Variants in CCDC85A observed in about 807,000 individuals in gnomAD.
The protein encoded by CCDC85A is coiled-coil domain containing 85A, also known as coiled-coil domain-containing protein 85A.
Under a neutral mutation model 50.2 loss-of-function variants are expected in CCDC85A, and 38 were observed. That is an observed-to-expected ratio of 0.76 (90% CI 0.58 to 0.99). The LOEUF (loss-of-function observed/expected upper bound fraction) is 0.99, where lower values mean the gene tolerates loss of function less well. CCDC85A is among the 50% of genes least tolerant of loss of function. The probability of loss-of-function intolerance (pLI) is 0.00; values close to 1 mark genes in which losing one functional copy is unlikely to be tolerated. For missense variants in CCDC85A, 820 were observed against 742.0 expected (o/e 1.11, Z -1.22); for synonymous variants, 366 against 301.4 (o/e 1.21, Z -2.22).
At chr2:56,201,434 T>G (rs1363788233) in intron 2 of CCDC85A, among the ~76,000 whole-genome samples, 1 of 151,118 alleles carries the variant, frequency 6.6e-6, no homozygotes, top group Non-Finnish European at 1.5e-5. Context: ...ATATAGTCGT[T>G]GTTGCATTAA....
At chr2:56,325,627 G>A (rs1673427635) in intron 2 of CCDC85A, among the ~76,000 whole-genome samples, 1 of 152,116 alleles carries the variant, frequency 6.6e-6, no homozygotes, top group Non-Finnish European at 1.5e-5. Context: ...ATCCAGGAGA[G>A]ATTCAGGAAA....
At chr2:56,229,620 C>G (rs1385885086) in intron 2 of CCDC85A, among the ~76,000 whole-genome samples, 5 of 151,998 alleles carry the variant, frequency 3.3e-5, no homozygotes, top group Non-Finnish European at 7.4e-5. Flanking sequence ...TATCGTGGAC[C>G]TCTGGTTTCT....
chr2:56,303,574 A>C (rs76938572), intron 2 of CCDC85A, among the ~76,000 whole-genome samples: 2,884 of 152,198 alleles, frequency 0.019, 107 homozygotes, highest in African/African-American at 0.066. Flanking sequence ...GATTCTAAGG[A>C]TAGTAATTGC....
chr2:56,211,071 C>G (rs754178773), intron 2 of CCDC85A, among the ~76,000 whole-genome samples: 2 of 152,100 alleles, frequency 1.3e-5, no homozygotes, highest in Non-Finnish European at 1.5e-5. Flanking sequence ...TGACCATTGT[C>G]AAGAGCATTT....
chr2:56,312,019 G>T (rs537044184), intron 2 of CCDC85A, among the ~76,000 whole-genome samples: 2 of 152,090 alleles, frequency 1.3e-5, no homozygotes, highest in Non-Finnish European at 2.9e-5. Flanking sequence ...AGATAAGGAC[G>T]GTCGGGGCAC....
intron 2 of CCDC85A, among the ~76,000 whole-genome samples, chr2:56,228,520 T>G (rs1434865899): frequency 1.3e-5 from 2 of 148,436 alleles, no homozygotes; most frequent in African/African-American, 2.5e-5. Flanking sequence ...CTTTCTCCCC[T>G]TTATTTTTTA....
rs1454435176 is a variant in CCDC85A at position 56,184,833 on chromosome 2, A to G, written c.209A>G (p.His70Arg). The G allele has an allele frequency of 1.3e-6, 2 of 1,542,478 alleles. No individual in the cohort carries two copies. The highest frequency in any genetic ancestry group is 1.7e-6 in the Non-Finnish European group (2 of 1,145,144). ...GAGAAGGTGAGCGCGATGCTGGACC[A>G]CAGCAACCTCATCCGCGAGGTGAAC... ...EAEKVSAMLD[H>R]SNLIREVNRR... Residue 70 changes from histidine to arginine, a missense_variant, in exon 1 of 6, where the codon CAC becomes CGC. Physicochemically the swap from His to Arg is conservative, Grantham distance 29. Coordinates refer to ENST00000407595, the MANE Select transcript of CCDC85A (RefSeq NM_001080433.2).
At chr2:56,329,496 G>A (rs112578324) in intron 2 of CCDC85A, among the ~76,000 whole-genome samples, 57 of 152,226 alleles carry the variant, frequency 3.7e-4, no homozygotes, top group African/African-American at 1.3e-3. Flanking sequence ...AAATTCCAAC[G>A]TACAAAAAAG....
At chr2:56,225,317 T>C (rs923533947) in intron 2 of CCDC85A, among the ~76,000 whole-genome samples, 1 of 152,120 alleles carries the variant, frequency 6.6e-6, no homozygotes, top group African/African-American at 2.4e-5. Context: ...TCCCAGCTAC[T>C]TGGGAGGCTG....
intron 2 of CCDC85A, among the ~76,000 whole-genome samples, chr2:56,251,320 A>C (rs1040373275): frequency 6.6e-6 from 1 of 152,136 alleles, no homozygotes; most frequent in South Asian, 2.1e-4. Context: ...GAACACATGG[A>C]TGTATTATCT....
chr2:56,214,906 A>G (rs1414238941), intron 2 of CCDC85A, among the ~76,000 whole-genome samples: 2 of 151,930 alleles, frequency 1.3e-5, no homozygotes, highest in Non-Finnish European at 2.9e-5. Flanking sequence ...ATATCTATAA[A>G]ACAGTTTGCT....
intron 2 of CCDC85A, among the ~76,000 whole-genome samples, chr2:56,313,954 G>T (rs1409918188): frequency 2.0e-5 from 3 of 151,668 alleles, no homozygotes; most frequent in African/African-American, 7.3e-5. Flanking sequence ...TTGTAAGCAG[G>T]TAATAAGCAT....
At chr2:56,193,857 C>G (rs1676423437) in intron 2 of CCDC85A, among the ~76,000 whole-genome samples, 1 of 152,106 alleles carries the variant, frequency 6.6e-6, no homozygotes, top group African/African-American at 2.4e-5. Context: ...ATTTTGAATC[C>G]AGTTAATAGG....
At chr2:56,279,195 C>G (rs960124340) in intron 2 of CCDC85A, among the ~76,000 whole-genome samples, 1 of 152,180 alleles carries the variant, frequency 6.6e-6, no homozygotes, top group Admixed American at 6.5e-5. Flanking sequence ...GTATTATCTT[C>G]TCAAGGTCTT....
chr2:56,225,310 C>A (rs1668497190), intron 2 of CCDC85A, among the ~76,000 whole-genome samples: 1 of 152,094 alleles, frequency 6.6e-6, no homozygotes, highest in African/African-American at 2.4e-5. Flanking sequence ...CCTGTAATCC[C>A]AGCTACTTGG....
intron 2 of CCDC85A, among the ~76,000 whole-genome samples, chr2:56,286,058 C>G (rs908395458): frequency 6.6e-6 from 1 of 151,574 alleles, no homozygotes; most frequent in African/African-American, 2.4e-5. Flanking sequence ...TGTTTGGGTC[C>G]ATTATTTCTG....
chr2:56,192,646 A>C lies in CCDC85A; in HGVS notation c.446A>C (p.Lys149Thr). The C allele has an allele frequency of 1.2e-6, 2 of 1,613,872 alleles. No individual in the cohort carries two copies. The highest frequency in any genetic ancestry group is 1.7e-6 in the Non-Finnish European group (2 of 1,179,846). Residue 149 changes from lysine to threonine, a missense_variant, in exon 2 of 6, where the codon AAA becomes ACA. Transcript: ENST00000407595. The surrounding 1 kb of genome is among the most constrained non-coding windows in gnomAD (Gnocchi z 4.7). ...KEVALYLQKL[K>T]DLEVKQEEVV... ...GTGGCCTTATACCTGCAGAAGCTGA[A>C]AGACCTGGAGGTGAAGCAGGAGGAA...
intron 2 of CCDC85A, among the ~76,000 whole-genome samples, chr2:56,322,460 A>C (rs1182778257): frequency 6.6e-6 from 1 of 152,212 alleles, no homozygotes; most frequent in African/African-American, 2.4e-5. Context: ...AAAATCAAAC[A>C]ACCCCATTAA....
chr2:56,249,982 A>C (rs761028960), intron 2 of CCDC85A, among the ~76,000 whole-genome samples: 15 of 152,156 alleles, frequency 9.9e-5, no homozygotes, highest in Admixed American at 2.6e-4. Context: ...TCTGCTTTTG[A>C]GGATCTTGAA....
Sources: allele counts gnomAD v4.1 joint callset (sites outside exome capture counted in the v4.1 genomes callset), GRCh38; gene constraint gnomAD v4.1.1; non-coding constraint Gnocchi (gnomAD v3.1); transcripts MANE v1.5; gene names NCBI Gene and HGNC (gene_info 2026-07-23, HGNC 2026-07-21).